MDGA2: variants seen among roughly 807,000 people sequenced by gnomAD.
MDGA2 encodes MAM domain containing glycosylphosphatidylinositol anchor 2.
A neutral mutation model predicts 117.8 loss-of-function variants in MDGA2; 40 were observed. The observed-to-expected ratio is 0.34, with a 90% CI of 0.26 to 0.44. The LOEUF (loss-of-function observed/expected upper bound fraction) is 0.44. Ranked by LOEUF, MDGA2 falls within the 20% of genes least tolerant of loss-of-function variation. The pLI is 1.00. For missense variants in MDGA2, 1,123 were observed against 1,250.6 expected (o/e 0.90, Z 1.54); for synonymous variants, 452 against 439.0 (o/e 1.03, Z -0.37).
intron 8 of MDGA2, among the ~76,000 whole-genome samples, chr14:47,010,697 G>T (rs1371392529): frequency 6.6e-6 from 1 of 151,852 alleles, no homozygotes; most frequent in Non-Finnish European, 1.5e-5. Flanking sequence ...TTTTTGCATT[G>T]CATTAATGAC....
intron 10 of MDGA2, among the ~76,000 whole-genome samples, chr14:46,900,460 T>C (rs980119241): frequency 6.6e-6 from 1 of 152,126 alleles, no homozygotes; most frequent in South Asian, 2.1e-4. Flanking sequence ...ACAACCCAAA[T>C]GTATTTTAAA....
chr14:47,412,334 G>A (rs1215419924), intron 1 of MDGA2, among the ~76,000 whole-genome samples: 1 of 152,112 alleles, frequency 6.6e-6, no homozygotes, highest in Non-Finnish European at 1.5e-5. Flanking sequence ...AAGCTAGAGT[G>A]CAGCTGTGCT....
chr14:47,414,224 C>T (rs1892430461), intron 1 of MDGA2, among the ~76,000 whole-genome samples: 1 of 152,102 alleles, frequency 6.6e-6, no homozygotes, highest in South Asian at 2.1e-4. Flanking sequence ...TGTCCATGAA[C>T]ATTGCAGATA....
intron 1 of MDGA2, among the ~76,000 whole-genome samples, chr14:47,307,532 T>G (rs1889492317): frequency 6.6e-6 from 1 of 151,924 alleles, no homozygotes; most frequent in East Asian, 1.9e-4. Flanking sequence ...AATACAAAAA[T>G]TAGCCAGGTG....
intron 8 of MDGA2, among the ~76,000 whole-genome samples, chr14:46,970,296 T>C (rs1886213770): frequency 1.3e-5 from 2 of 151,998 alleles, no homozygotes; most frequent in Non-Finnish European, 2.9e-5. Context: ...AACTTCAAAA[T>C]ATAATATAAT....
At chr14:46,978,416 G>T (rs896807682) in intron 8 of MDGA2, among the ~76,000 whole-genome samples, 33 of 151,934 alleles carry the variant, frequency 2.2e-4, no homozygotes, top group African/African-American at 8.0e-4. Context: ...ATGAAATAAA[G>T]AATATGGGCA....
chr14:47,443,262 A>G (rs1005499299), intron 1 of MDGA2, among the ~76,000 whole-genome samples: 3 of 152,158 alleles, frequency 2.0e-5, no homozygotes, highest in African/African-American at 4.8e-5. Flanking sequence ...AGAGTGCATG[A>G]TAAATGCTCA....
intron 4 of MDGA2, among the ~76,000 whole-genome samples, chr14:47,138,150 T>G (rs114985141): frequency 0.025 from 3,809 of 152,260 alleles, 141 homozygotes; most frequent in African/African-American, 0.087. Context: ...ATGGCATATA[T>G]GTATACCTGT....
chr14:47,366,148 C>T lies in MDGA2; in HGVS notation c.281-64598G>A, dbSNP rs567825818. 2.4e-4 allele frequency among the ~76,000 whole-genome samples: 36 copies of T among 152,208 alleles called. No individual in the cohort carries two copies. In the South Asian group the frequency reaches 6.2e-3, roughly 26 times the overall value. On this transcript the variant is annotated intron_variant, in intron 1 of 16. Coordinates refer to ENST00000399232, the MANE Select transcript of MDGA2 (RefSeq NM_001113498.3). ...TCCCACAGGGCAAGAAAAATTCAAG[C>T]GTTCTTTCACATAGCTCAAACTTCC...
intron 4 of MDGA2, among the ~76,000 whole-genome samples, chr14:47,135,786 T>C (rs1374228709): frequency 6.6e-6 from 1 of 152,124 alleles, no homozygotes; most frequent in Non-Finnish European, 1.5e-5. Context: ...TCAAATTAGT[T>C]ATGTCACTAT....
In MDGA2 at chr14:47,113,501, C is replaced by T. The variant is rs949909271; in HGVS notation, c.926-16378G>A. Among the ~76,000 whole-genome samples the T allele has an allele frequency of 9.9e-5, 15 of 152,148 alleles. No homozygotes were observed. The East Asian group carries it at 1.7e-3, about 18-fold the overall frequency. ...CCAATATCTCTGATGAACATCCATG[C>T]GAATATCCTCAATAAAATACTGGCA... On this transcript the variant is annotated intron_variant, in intron 5 of 16. Coordinates refer to ENST00000399232, the MANE Select transcript of MDGA2 (RefSeq NM_001113498.3).
chr14:46,999,070 C>T (rs1010254620), intron 8 of MDGA2, among the ~76,000 whole-genome samples: 1 of 151,982 alleles, frequency 6.6e-6, no homozygotes, highest in South Asian at 2.1e-4. Context: ...CTCTGGCATA[C>T]ACTGGCTATT....
chr14:47,461,225 T>G (rs1893476372), intron 1 of MDGA2, among the ~76,000 whole-genome samples: 1 of 150,888 alleles, frequency 6.6e-6, no homozygotes, highest in Admixed American at 6.6e-5. Flanking sequence ...AGAGTCAAAA[T>G]TAAATACTCT....
chr14:47,444,965 G>A (rs1411107539), intron 1 of MDGA2, among the ~76,000 whole-genome samples: 1 of 152,142 alleles, frequency 6.6e-6, no homozygotes, highest in Middle Eastern at 3.2e-3. Flanking sequence ...ATTATGAAAT[G>A]TACAATGATG....
At chr14:47,229,838 T>C (rs1387130835) in intron 2 of MDGA2, among the ~76,000 whole-genome samples, 2 of 152,042 alleles carry the variant, frequency 1.3e-5, no homozygotes. Flanking sequence ...TTTTTTGTAA[T>C]GAGAGTTAAT....
intron 10 of MDGA2, among the ~76,000 whole-genome samples, chr14:46,912,926 T>G (rs1595039953): frequency 6.6e-6 from 1 of 152,174 alleles, no homozygotes; most frequent in Admixed American, 6.5e-5. Flanking sequence ...TAAACTTCAC[T>G]TTTTACAACT....
chr14:47,466,919 G>T (rs1050568218), intron 1 of MDGA2, among the ~76,000 whole-genome samples: 3 of 152,054 alleles, frequency 2.0e-5, no homozygotes, highest in African/African-American at 7.2e-5. Context: ...CACAATGTAA[G>T]TAAAAGAAGG....
intron 1 of MDGA2, among the ~76,000 whole-genome samples, chr14:47,440,122 C>T (rs2138545337): frequency 6.6e-6 from 1 of 152,102 alleles, no homozygotes; most frequent in Non-Finnish European, 1.5e-5. Flanking sequence ...AGGATTGTTT[C>T]CCCATCACAT....
chr14:47,159,671 T>G (rs1883551563), intron 3 of MDGA2, among the ~76,000 whole-genome samples: 1 of 152,198 alleles, frequency 6.6e-6, no homozygotes, highest in Non-Finnish European at 1.5e-5. Context: ...AAGTGATAGC[T>G]CATTGTTACT....
Sources: gnomAD v4.1 joint callset for allele counts (sites outside exome capture counted in the v4.1 genomes callset) on GRCh38, gnomAD v4.1.1 for gene constraint, MANE v1.5 for transcripts, NCBI Gene and HGNC (gene_info 2026-07-23, HGNC 2026-07-21) for gene names.